Variants in TERT observed in about 807,000 individuals in gnomAD.
TERT encodes the protein telomerase catalytic subunit.
Under a neutral mutation model 104.0 loss-of-function variants are expected in TERT, and 42 were observed. The observed-to-expected ratio is 0.40, with a 90% CI of 0.32 to 0.52. The LOEUF is 0.52. Ranked by LOEUF, TERT falls within the 20% of genes least tolerant of loss-of-function variation. The pLI is 0.43. For synonymous variants in TERT, 781 were observed against 725.6 expected, an observed-to-expected ratio of 1.08 and a Z score of -1.23; for missense variants, 1,101 against 1,610.3, an observed-to-expected ratio of 0.68 and a Z score of 5.41.
chr5:1,280,272 G>C lies in TERT; in HGVS notation c.1836C>G (p.Ala612=), dbSNP rs34170122. The C allele has an allele frequency of 1.0e-4, 167 of 1,613,724 alleles. No homozygotes were observed. In the African/African-American group the frequency reaches 1.8e-3, roughly 18 times the overall value. ...GTCTGGACGTCAGCAGGGCGGGCCTGGCTTCCCGATGCTGCCTGACCTCTG... is the reference window on the plus strand; with the variant it reads ...GTCTGGACGTCAGCAGGGCGGGCCTCGCTTCCCGATGCTGCCTGACCTCTG... ...SEAEVRQHRE[A]RPALLTSRLR... The change falls in exon 4 of 16, where the codon GCC becomes GCG. Residue 612 remains alanine, a synonymous_variant. Coordinates refer to ENST00000310581, the MANE Select transcript of TERT (RefSeq NM_198253.3).
Position 1,253,816 on chromosome 5 carries a change from C to G in TERT, c.3311G>C (p.Ser1104Thr). The G allele has an allele frequency of 1.2e-6, 2 of 1,610,520 alleles. No homozygotes were observed. The highest frequency in any genetic ancestry group is 1.7e-6 in the Non-Finnish European group (2 of 1,179,264). Residue 1104 changes from serine to threonine, a missense_variant, in exon 16 of 16, where the codon AGT (serine) becomes ACT (threonine). By Grantham distance (58) the Ser-to-Thr change is moderately conservative. Around this residue, in one of 5 missense-constraint regions of TERT, gnomAD observed 463 missense variants for 797.5 expected, o/e 0.58. Coordinates refer to ENST00000310581, the MANE Select transcript of TERT (RefSeq NM_198253.3). ...GSLRTAQTQL[S>T]RKLPGTTLTA... ...CAGCGTCGTCCCCGGGAGCTTCCGA[C>G]TCAGCTGCGTCTGGGCTGCGGGGCC...
chr5:1,289,367 C>A (rs1349561084), intron 2 of TERT, among the ~76,000 whole-genome samples: 1 of 142,850 alleles, frequency 7.0e-6, no homozygotes, highest in African/African-American at 2.6e-5. Context: ...GTGACAGGGA[C>A]ACCCGGGGAC....
Position 1,279,300 on chromosome 5 carries a change from G to A in TERT, c.2121C>T (p.Tyr707=). ...GGTCCCCGGCACCCACCTTGACAAA[G>A]TACAGCTCAGGCGGCGGGTCCTGGG... The part of the protein sequence containing the change: ...VRAQDPPPEL[Y]FVKVDVTGAY... Residue 707 remains tyrosine (Y), a synonymous_variant, in exon 5 of 16, where the codon TAC becomes TAT. Coordinates refer to ENST00000310581, the MANE Select transcript of TERT (RefSeq NM_198253.3). 1 of 1,582,326 alleles carries A rather than the reference G, an allele frequency of 6.3e-7. No individual in the cohort carries two copies. Among genetic ancestry groups the A allele is most frequent in the East Asian group, 2.3e-5 (1 of 43,208 alleles).
At position 1,266,454 on chromosome 5, in the gene TERT, C is replaced by A; in HGVS notation, c.2654+10G>T. 1 of 1,603,626 alleles carries A rather than the reference C, an allele frequency of 6.2e-7. No individual in the cohort carries two copies. The highest frequency in any genetic ancestry group is 1.3e-5 in the African/African-American group (1 of 74,870). ...TGGAGGTCCCCACAGACACACGGCA[C>A]GGGCCTCACCTGAGGAAGGTTTTCG... On this transcript the variant is annotated intron_variant, in intron 10 of 15. Transcript: ENST00000310581.
At chr5:1,254,284 A>G (rs1263360698) in intron 15 of TERT, 84 bp downstream of exon 15, 1 of 1,593,870 alleles carries the variant, frequency 6.3e-7, no homozygotes, top group South Asian at 1.1e-5. Context: ...CTTCAGCAGC[A>G]TCTGAGGCTG....
At chr5:1,266,604 C>T (rs1334689590) in intron 9 of TERT, 69 bp from the exon 10 acceptor site, 2 of 1,272,288 alleles carry the variant, frequency 1.6e-6, no homozygotes, top group African/African-American at 2.9e-5. Context: ...CTACGAGGGA[C>T]TGAATGTCAA....
rs1750563026 is a variant in TERT, at chr5:1,287,483, C to A, written c.1574-4859G>T. Among the ~76,000 whole-genome samples, 1 of 124,336 alleles carries A rather than the reference C, an allele frequency of 8.0e-6. No homozygotes were observed. The highest frequency in any genetic ancestry group is 3.1e-5 in the African/African-American group (1 of 31,902). 81.6% of individuals were successfully genotyped at this position (124,336 alleles called of 152,430 possible). A position where few individuals can be genotyped will look rare whatever the true frequency, so the allele number is the denominator to read the frequency against. ...CACTGCACTCACCCTGGGCGACAGA[C>A]CAAGACTCTGTCTCAAAAAAAAAAA... On this transcript the variant is annotated intron_variant, in intron 2 of 15. Transcript: ENST00000310581. This position sits in a 1 kb window ranked among gnomAD's most constrained non-coding sequence, Gnocchi z 4.3.
At position 1,293,809 on chromosome 5, in the gene TERT, C is replaced by T. The variant is rs1014531727; in HGVS notation, c.1077G>A (p.Arg359=). ...SLRPSLTGAR[R]LVETIFLGSR... ...AACCCAGAAAGATGGTCTCCACGAG[C>T]CTCCGAGCGCCAGTCAGGCTGGGCC... The change falls in exon 2 of 16, where the codon AGG becomes AGA. Residue 359 remains arginine, a synonymous_variant. Coordinates refer to ENST00000310581, the MANE Select transcript of TERT (RefSeq NM_198253.3). 1 of 1,550,586 alleles carries T rather than the reference C, an allele frequency of 6.4e-7. No individual in the cohort carries two copies. Among genetic ancestry groups the T allele is most frequent in the Non-Finnish European group, 8.7e-7 (1 of 1,147,322 alleles).
At chr5:1,272,674 TCACCACACATCA>T in intron 6 of TERT, among the ~76,000 whole-genome samples, 5 of 63,820 alleles carry the variant, frequency 7.8e-5, no homozygotes, top group African/African-American at 2.6e-4. Flanking sequence ...CCATCCACAG[TCACCACACATCA>T]GACCCCACGA....
intron 2 of TERT, among the ~76,000 whole-genome samples, chr5:1,284,991 C>A (rs1750381160): frequency 1.4e-5 from 2 of 139,198 alleles, no homozygotes; most frequent in South Asian, 5.1e-4. Flanking sequence ...CAGCTCACAG[C>A]AGGGCCTGGC....
intron 4 of TERT, among the ~76,000 whole-genome samples, 194 bp downstream of exon 4, chr5:1,279,964 A>C (rs2126643647): frequency 6.6e-6 from 1 of 152,100 alleles, no homozygotes; most frequent in South Asian, 2.1e-4. Context: ...AGCTCCCCCT[A>C]CACCCCCACG....
In TERT at chr5:1,280,303, G is replaced by A. The variant is rs759017540; in HGVS notation, c.1805C>T (p.Ser602Leu). The change falls in exon 4 of 16, where the codon TCG (serine) becomes TTG (leucine). Residue 602 changes from serine (S) to leucine (L), a missense_variant. Physicochemically the swap from Ser to Leu is moderately radical, Grantham distance 145. Coordinates refer to ENST00000310581, the MANE Select transcript of TERT (RefSeq NM_198253.3). ...CCGATGCTGCCTGACCTCTGCTTCC[G>A]ACAGCTCCCGCAGCTGCACCCTCTT... ...HLKRVQLREL[S>L]EAEVRQHREA... 5.6e-6 allele frequency: 9 copies of A among 1,613,396 alleles called. No individual in the cohort carries two copies. The highest frequency in any genetic ancestry group is 1.3e-5 in the African/African-American group (1 of 74,932).
chr5:1,271,854 C>T (rs1021723114), intron 7 of TERT, among the ~76,000 whole-genome samples: 1 of 152,172 alleles, frequency 6.6e-6, no homozygotes, highest in Admixed American at 6.5e-5. Flanking sequence ...CATGGCCTGC[C>T]CTCCTAAAGG....
chr5:1,265,987 A>G lies in TERT; in HGVS notation c.2654+477T>C, dbSNP rs919719156. Among the ~76,000 whole-genome samples, 3 of 152,046 alleles carry G rather than the reference A, an allele frequency of 2.0e-5. No homozygotes were observed. Among genetic ancestry groups the G allele is most frequent in the African/African-American group, 7.2e-5 (3 of 41,410 alleles). On this transcript the variant is annotated intron_variant, in intron 10 of 15. Transcript: ENST00000310581. This position sits in a 1 kb window ranked among gnomAD's most constrained non-coding sequence, Gnocchi z 6.9. ...GCACTCAGCAAATCCAAATTCTCCCACCGATCCCAAACAACCCCACGCAGG... is the reference window on the plus strand; with the variant it reads ...GCACTCAGCAAATCCAAATTCTCCCGCCGATCCCAAACAACCCCACGCAGG...
rs1748755995 is a variant in TERT at position 1,268,225 on chromosome 5, G to A, written c.2582+295C>T. On this transcript the variant is annotated intron_variant, in intron 9 of 15. Transcript: ENST00000310581. The surrounding 1 kb of genome is among the most constrained non-coding windows in gnomAD (Gnocchi z 5.5). ...GAACCTGGGTGACGTGACAGAAGCT[G>A]GTGTGCTTCCTCGGTGTTGAATTCA... is the stretch of plus-strand genomic sequence containing the variant. Among the ~76,000 whole-genome samples the A allele has an allele frequency of 6.6e-6, 1 of 152,244 alleles. No individual in the cohort carries two copies. The highest frequency in any genetic ancestry group is 2.4e-5 in the African/African-American group (1 of 41,466).
In TERT at chr5:1,293,917, C is replaced by G. The variant is rs148549782; in HGVS notation, c.969G>C (p.Pro323=). The G allele has an allele frequency of 1.9e-6, 3 of 1,542,350 alleles. No individual in the cohort carries two copies. The highest frequency in any genetic ancestry group is 1.7e-6 in the Non-Finnish European group (2 of 1,147,196). The change falls in exon 2 of 16, where the codon CCG becomes CCC. Residue 323 remains proline (P), a synonymous_variant. Transcript: ENST00000310581. ...GGAAGTGCTTGGTCTCGGCGTACAC[C>G]GGGGGACAAGGCGTGTCCCAGGGAC... ...PPRPWDTPCP[P]VYAETKHFLY...
At chr5:1,291,544 C>G (rs866395388) in intron 2 of TERT, among the ~76,000 whole-genome samples, 1 of 106,872 alleles carries the variant, frequency 9.4e-6, no homozygotes, top group Non-Finnish European at 1.9e-5. Context: ...CTACACGTGA[C>G]AGGGACACCC....
At position 1,262,444 on chromosome 5, in the gene TERT, C is replaced by CT. The variant is rs1461178537; in HGVS notation, c.2844-1845dup. On this transcript the variant is annotated intron_variant, in intron 11 of 15. Transcript: ENST00000310581. This position sits in a 1 kb window ranked among gnomAD's most constrained non-coding sequence, Gnocchi z 5.6. ...GAAAATTCCCATCTTACCACTTTTCCTTTTTCACTTTTCTTAATCATTTTG... is the reference window on the plus strand; with the variant it reads ...GAAAATTCCCATCTTACCACTTTTCCTTTTTTCACTTTTCTTAATCATTTTG... Among the ~76,000 whole-genome samples, 1 of 152,194 alleles carries CT rather than the reference C, an allele frequency of 6.6e-6. No individual in the cohort carries two copies.
chr5:1,281,071 GAAC>G (rs1209506058), intron 3 of TERT, among the ~76,000 whole-genome samples: 1 of 151,848 alleles, frequency 6.6e-6, no homozygotes, highest in East Asian at 1.9e-4. Flanking sequence ...CCCCCAGGCA[GAAC>G]AACAGTCCCA....
Sources: allele counts gnomAD v4.1 joint callset (sites outside exome capture counted in the v4.1 genomes callset), GRCh38; gene constraint gnomAD v4.1.1; regional missense constraint gnomAD v4.1.1; non-coding constraint Gnocchi (gnomAD v3.1); transcripts MANE v1.5; gene names NCBI Gene and HGNC (gene_info 2026-07-23, HGNC 2026-07-21).